LGSN: variants seen among roughly 807,000 people sequenced by gnomAD.
The protein encoded by LGSN is lengsin.
In LGSN, 21 loss-of-function variants were observed where a neutral mutation model predicts 19.5. The observed-to-expected ratio is 1.07, with a 90% CI of 0.76 to 1.55. LGSN has a LOEUF of 1.55. Among genes scored for constraint, LGSN ranks in the 40% most tolerant of loss-of-function variants. The pLI is 0.00. For missense variants in LGSN, 673 were observed against 608.5 expected, an observed-to-expected ratio of 1.11 and a Z score of -1.12; for synonymous variants, 257 against 215.6, an observed-to-expected ratio of 1.19 and a Z score of -1.68.
the LGSN span, among the ~76,000 whole-genome samples, chr6:63,493,975 A>C: frequency 0.54 from 78,340 of 146,298 alleles, 22,621 homozygotes; most frequent in African/African-American, 0.77. Context: ...TTTGAGACGG[A>C]GTCTTGCTCT....
chr6:63,548,902 C>T, the LGSN span: 29 of 882,874 alleles, frequency 3.3e-5, no homozygotes, highest in Middle Eastern at 3.2e-4. Flanking sequence ...TGTATGAAGG[C>T]GACAGTGGTG....
At chr6:63,364,980 G>T in the LGSN span, among the ~76,000 whole-genome samples, 1 of 152,164 alleles carries the variant, frequency 6.6e-6, no homozygotes, top group Non-Finnish European at 1.5e-5. Context: ...ACAAGAGAAA[G>T]CAGGAAAGAT....
At chr6:63,388,545 G>C in the LGSN span, among the ~76,000 whole-genome samples, 82 of 152,278 alleles carry the variant, frequency 5.4e-4, no homozygotes, top group African/African-American at 1.9e-3. Flanking sequence ...GAGGGAAAAT[G>C]ATGTGAAGCC....
chr6:63,527,387 A>G, the LGSN span, among the ~76,000 whole-genome samples: 2 of 152,192 alleles, frequency 1.3e-5, no homozygotes, highest in African/African-American at 4.8e-5. Flanking sequence ...ATATTGACCA[A>G]TAAGTGCCGA....
chr6:63,337,581 C>A, the LGSN span, among the ~76,000 whole-genome samples: 1 of 151,872 alleles, frequency 6.6e-6, no homozygotes, highest in Admixed American at 6.6e-5. Flanking sequence ...GCAGGTAGAT[C>A]ACTTGAGCTC....
At chr6:63,311,539 G>A (rs1488967229) in intron 1 of LGSN, among the ~76,000 whole-genome samples, 1 of 152,068 alleles carries the variant, frequency 6.6e-6, no homozygotes, top group Admixed American at 6.6e-5. Flanking sequence ...AAGCATCAAG[G>A]ATTTCACCAT....
At chr6:63,549,385 C>T in the LGSN span, 1 of 754,154 alleles carries the variant, frequency 1.3e-6, no homozygotes, top group Non-Finnish European at 2.4e-6. Context: ...AATGTCCTGT[C>T]CAATGTCAAA....
At chr6:63,357,797 A>G in the LGSN span, among the ~76,000 whole-genome samples, 1 of 152,048 alleles carries the variant, frequency 6.6e-6, no homozygotes, top group African/African-American at 2.4e-5. Context: ...GTTCACTCTG[A>G]TGGTAGTTTC....
the LGSN span, among the ~76,000 whole-genome samples, chr6:63,505,566 AAAGAAAGAAAGAAAGAAAG>A: frequency 2.3e-4 from 5 of 21,924 alleles, no homozygotes; most frequent in East Asian, 4.2e-3. Context: ...AAAAAAAAAA[AAAGAAAGAAAGAAAGAAAG>A]AAAGAAAGAA....
chr6:63,514,953 C>A, the LGSN span, among the ~76,000 whole-genome samples: 1 of 151,914 alleles, frequency 6.6e-6, no homozygotes, highest in Admixed American at 6.6e-5. Context: ...TACCTCCTAC[C>A]TTGACCTCCC....
chr6:63,458,619 C>T, the LGSN span, among the ~76,000 whole-genome samples: 1 of 152,152 alleles, frequency 6.6e-6, no homozygotes, highest in African/African-American at 2.4e-5. Flanking sequence ...GTTACCCAAA[C>T]ATTCTCGGTC....
the LGSN span, among the ~76,000 whole-genome samples, chr6:63,495,920 A>G: frequency 6.6e-6 from 1 of 151,744 alleles, no homozygotes; most frequent in Non-Finnish European, 1.5e-5. Context: ...CTCTTGTATT[A>G]ATTAATTAAT....
At chr6:63,528,568 T>C in the LGSN span, among the ~76,000 whole-genome samples, 3 of 151,454 alleles carry the variant, frequency 2.0e-5, no homozygotes, top group Non-Finnish European at 2.9e-5. Context: ...CTACAAAAAA[T>C]ATAACAAAAC....
the LGSN span, among the ~76,000 whole-genome samples, chr6:63,389,306 T>G: frequency 1.3e-5 from 2 of 152,238 alleles, no homozygotes; most frequent in African/African-American, 2.4e-5. Context: ...AAAAGAAGCT[T>G]ACCTTACATT....
chr6:63,372,632 AT>A, the LGSN span, among the ~76,000 whole-genome samples: 1 of 152,238 alleles, frequency 6.6e-6, no homozygotes, highest in Non-Finnish European at 1.5e-5. Flanking sequence ...CTTTTAGAAA[AT>A]ATAAGAATAC....
At chr6:63,521,451 A>G in the LGSN span, among the ~76,000 whole-genome samples, 4 of 152,208 alleles carry the variant, frequency 2.6e-5, no homozygotes, top group Admixed American at 1.3e-4. Flanking sequence ...TCCATGTAGG[A>G]ACACACCAAA....
At chr6:63,514,727 T>A in the LGSN span, among the ~76,000 whole-genome samples, 1 of 152,146 alleles carries the variant, frequency 6.6e-6, no homozygotes, top group Admixed American at 6.6e-5. Context: ...TGTTTGTTTG[T>A]CTGGGTCTTG....
At chr6:63,476,913 T>C in the LGSN span, among the ~76,000 whole-genome samples, 4 of 152,252 alleles carry the variant, frequency 2.6e-5, no homozygotes, top group Admixed American at 2.0e-4. Context: ...ATTCTGCTGC[T>C]TCTACCTTTC....
At chr6:63,322,491 C>T (rs1265235318), upstream of LGSN, among the ~76,000 whole-genome samples, 1 of 152,172 alleles carries the variant, frequency 6.6e-6, no homozygotes, top group Non-Finnish European at 1.5e-5. Context: ...CTACCTTTCT[C>T]CCGATTTGTT....
Sources: allele counts gnomAD v4.1 joint callset (sites outside exome capture counted in the v4.1 genomes callset), GRCh38; gene constraint gnomAD v4.1.1; transcripts MANE v1.5; gene names NCBI Gene and HGNC (gene_info 2026-07-23, HGNC 2026-07-21).